SCN4A: variants seen among roughly 807,000 people sequenced by gnomAD.
SCN4A encodes sodium voltage-gated channel alpha subunit 4, also known as sodium channel protein type 4 subunit alpha.
Under a neutral mutation model 162.0 loss-of-function variants are expected in SCN4A, and 83 were observed. That is an observed-to-expected ratio of 0.51 (90% CI 0.43 to 0.61). The LOEUF (loss-of-function observed/expected upper bound fraction) is 0.61, where lower values mean the gene tolerates loss of function less well. Among genes scored for constraint, SCN4A ranks in the 20% least tolerant of loss-of-function variants. The pLI is 0.00. For synonymous variants in SCN4A, 944 were observed against 985.1 expected (o/e 0.96, Z 0.78); for missense variants, 2,196 against 2,462.5 (o/e 0.89, Z 2.29).
chr17:63,971,090 T>A, intron 5 of SCN4A, 72 bp downstream of exon 5: 1 of 986,964 alleles, frequency 1.0e-6, no homozygotes, highest in Non-Finnish European at 1.6e-6. Context: ...TGACACTGAG[T>A]CAGGTTCCAG....
At position 63,951,710 on chromosome 17, in the gene SCN4A, A is replaced by G. The variant is rs1453388942; in HGVS notation, c.2567T>C (p.Leu856Pro). ...GKILSPKDIM[L>P]SLGEADGAGE... ...GGCCCCGTCAGCCTCCCCGAGGCTGAGCATGATGTCCTTGGGGCTCAGGAT... is the reference window on the plus strand; with the variant it reads ...GGCCCCGTCAGCCTCCCCGAGGCTGGGCATGATGTCCTTGGGGCTCAGGAT... The change falls in exon 14 of 24, where the codon CTC becomes CCC. Residue 856 changes from leucine to proline, a missense_variant. Physicochemically the swap from Leu to Pro is moderately conservative, Grantham distance 98 (BLOSUM62 -3). Transcript: ENST00000435607. The surrounding 1 kb of genome is among the most constrained non-coding windows in gnomAD (Gnocchi z 4.5). 8 of 1,596,748 alleles carry G rather than the reference A, an allele frequency of 5.0e-6. No homozygotes were observed. The highest frequency in any genetic ancestry group is 6.8e-6 in the Non-Finnish European group (8 of 1,171,486).
At position 63,965,994 on chromosome 17, in the gene SCN4A, G is replaced by C. The variant is rs934067307; in HGVS notation, c.1242+108C>G. On this transcript the variant is annotated intron_variant, in intron 8 of 23. Coordinates refer to ENST00000435607, the MANE Select transcript of SCN4A (RefSeq NM_000334.4). ...CGGGAGTCCATGAGGAGATGGCCCAGTTCGGGGGTTGGCCATCCTGTGGTA... is the reference window on the plus strand; with the variant it reads ...CGGGAGTCCATGAGGAGATGGCCCACTTCGGGGGTTGGCCATCCTGTGGTA... 3.0e-5 allele frequency: 23 copies of C among 775,552 alleles called. No individual in the cohort carries two copies. In the African/African-American group the frequency reaches 3.8e-4, roughly 13 times the overall value. 48.0% of individuals were successfully genotyped at this position (775,552 alleles called of 1,614,324 possible). A position where few individuals can be genotyped will look rare whatever the true frequency, so the allele number is the denominator to read the frequency against.
intron 4 of SCN4A, 109 bp from the exon 5 acceptor site, chr17:63,971,362 G>A (rs1256360505): frequency 7.1e-6 from 5 of 706,632 alleles, no homozygotes; most frequent in South Asian, 3.2e-5. Context: ...GAAATTGGGG[G>A]TACCACAGGG....
chr17:63,963,677 A>G lies in SCN4A; in HGVS notation c.1601T>C (p.Met534Thr), dbSNP rs1248206131. 1.9e-6 allele frequency: 3 copies of G among 1,577,276 alleles called. No homozygotes were observed. In the African/African-American group the frequency reaches 4.0e-5, roughly 21 times the overall value. The change falls in exon 10 of 24, where the codon ATG becomes ACG. Residue 534 changes from methionine (M) to threonine (T), a missense_variant. Coordinates refer to ENST00000435607, the MANE Select transcript of SCN4A (RefSeq NM_000334.4). ...CGGGGGCACAAGGCACTCACCTTCCATGGCGTCGGAGATGCCGCTGTCTCC... is the reference window on the plus strand; with the variant it reads ...CGGGGGCACAAGGCACTCACCTTCCGTGGCGTCGGAGATGCCGCTGTCTCC... Reference protein sequence around the residue: ...SSGDSGISDAMEELEEAHQKC... With the variant: ...SSGDSGISDATEELEEAHQKC...
intron 5 of SCN4A, among the ~76,000 whole-genome samples, chr17:63,969,620 C>T (rs1456093100): frequency 2.0e-5 from 3 of 152,062 alleles, no homozygotes; most frequent in Non-Finnish European, 4.4e-5. Flanking sequence ...AGCTCAGGTA[C>T]TTTCTTTCTT....
At chr17:63,955,189 T>C (rs1909032960) in intron 13 of SCN4A, among the ~76,000 whole-genome samples, 1 of 152,184 alleles carries the variant, frequency 6.6e-6, no homozygotes, top group Non-Finnish European at 1.5e-5. Flanking sequence ...ACTAGTTGTG[T>C]GGTTCTGGGC....
chr17:63,965,647 C>T lies in SCN4A; in HGVS notation c.1242+455G>A, dbSNP rs1362112252. Among the ~76,000 whole-genome samples the T allele has an allele frequency of 3.3e-5, 5 of 152,278 alleles. No individual in the cohort carries two copies. The East Asian group carries it at 5.8e-4, about 18-fold the overall frequency. ...GGGAATATAGGCCCGTGCCACCATA[C>T]CCGGCTAATTTTTGTATTTTTAGTA... is the stretch of plus-strand genomic sequence containing the variant. On this transcript the variant is annotated intron_variant, in intron 8 of 23. Coordinates refer to ENST00000435607, the MANE Select transcript of SCN4A (RefSeq NM_000334.4).
chr17:63,954,367 C>T (rs573343840), intron 13 of SCN4A, among the ~76,000 whole-genome samples: 38 of 152,290 alleles, frequency 2.5e-4, no homozygotes, highest in African/African-American at 9.1e-4. Context: ...AGTCTTTCTT[C>T]TCCCTCTCTG....
chr17:63,940,463 C>T lies in SCN4A; in HGVS notation c.*308G>A. On this transcript the variant is annotated 3_prime_UTR_variant, in exon 24 of 24. Transcript: ENST00000435607. ...AGGGGCAGAGATTCGAATGTTCTGA[C>T]CTCCCCCAGGCCAAAAGGAGGGGCG... 2.7e-6 allele frequency: 1 copy of T among 367,726 alleles called. No individual in the cohort carries two copies. The allele number at this position is 367,726 out of a possible 1,614,324, so 22.8% of individuals were successfully genotyped here. A position where few individuals can be genotyped will look rare whatever the true frequency, so the allele number is the denominator to read the frequency against.
Position 63,949,527 on chromosome 17 carries a change from T to C in SCN4A, c.2855A>G (p.Lys952Arg), listed in dbSNP as rs770964974. 2 of 1,605,362 alleles carry C rather than the reference T, an allele frequency of 1.2e-6. No individual in the cohort carries two copies. The highest frequency in any genetic ancestry group is 1.7e-6 in the Non-Finnish European group (2 of 1,174,088). The change falls in exon 15 of 24, where the codon AAG becomes AGG. Residue 952 changes from lysine to arginine, a missense_variant and splice_region_variant. Lys to Arg is a conservative substitution (Grantham distance 26). Coordinates refer to ENST00000435607, the MANE Select transcript of SCN4A (RefSeq NM_000334.4). The part of the protein sequence containing the change: ...DTFSEPEDSK[K>R]PPQPLYDGNS... The stretch of plus-strand genomic sequence containing the variant: ...CCCATCATAGAGAGGCTGCGGCGGC[T>C]TCTGCGGAGGCCACAGGGTCACATG...
In SCN4A at chr17:63,964,621, C is replaced by T. The variant is rs759176062; in HGVS notation, c.1299G>A (p.Leu433=). The T allele has an allele frequency of 1.5e-5, 25 of 1,613,184 alleles. No homozygotes were observed. Among genetic ancestry groups the T allele is most frequent in the Non-Finnish European group, 1.9e-5 (23 of 1,179,624 alleles). ...TCAGATTGATGAGGTAGAAAGAGCCCAGGAAGATGATGACCACGAAGAAGA... is the reference window on the plus strand; with the variant it reads ...TCAGATTGATGAGGTAGAAAGAGCCTAGGAAGATGATGACCACGAAGAAGA... ...YMIFFVVIIF[L]GSFYLINLIL... The change falls in exon 9 of 24, where the codon CTG becomes CTA. Residue 433 remains leucine, a synonymous_variant. Coordinates refer to ENST00000435607, the MANE Select transcript of SCN4A (RefSeq NM_000334.4).
Position 63,951,544 on chromosome 17 carries a change from G to A in SCN4A, c.2733C>T (p.His911=). The change falls in exon 14 of 24, where the codon CAC becomes CAT. Residue 911 remains histidine, a synonymous_variant. Coordinates refer to ENST00000435607, the MANE Select transcript of SCN4A (RefSeq NM_000334.4). The surrounding 1 kb of genome is among the most constrained non-coding windows in gnomAD (Gnocchi z 4.5). ...GGTAGGGGTTGTTGATGAAGTTAAG[G>A]TGGTCCAGCTCGAGGCTGGATGGGG... is the stretch of plus-strand genomic sequence containing the variant. The part of the protein sequence containing the change: ...DGPPSSLELD[H]LNFINNPYLT... The A allele has an allele frequency of 6.2e-7, 1 of 1,614,030 alleles. No individual in the cohort carries two copies. Among genetic ancestry groups the A allele is most frequent in the Non-Finnish European group, 8.5e-7 (1 of 1,179,902 alleles).
At chr17:63,952,412 G>C (rs184991292) in intron 13 of SCN4A, among the ~76,000 whole-genome samples, 38 of 152,040 alleles carry the variant, frequency 2.5e-4, no homozygotes, top group African/African-American at 8.9e-4. Context: ...CGCCTGCCTC[G>C]GCCTCCCAAA....
intron 12 of SCN4A, among the ~76,000 whole-genome samples, chr17:63,958,784 C>T (rs1909152716): frequency 6.6e-6 from 1 of 152,202 alleles, no homozygotes; most frequent in Non-Finnish European, 1.5e-5. Flanking sequence ...AACTCCTGAC[C>T]TCAGGTGATC....
In SCN4A at chr17:63,941,632, G is replaced by T. The variant is rs1284222969; in HGVS notation, c.4650C>A (p.Pro1550=). 1 of 1,614,052 alleles carries T rather than the reference G, an allele frequency of 6.2e-7. No individual in the cohort carries two copies. The highest frequency in any genetic ancestry group is 1.7e-5 in the Admixed American group (1 of 60,018). The change falls in exon 24 of 24, where the codon CCC becomes CCA. Residue 1550 remains proline (P), a synonymous_variant. Transcript: ENST00000435607. The surrounding 1 kb of genome is among the most constrained non-coding windows in gnomAD (Gnocchi z 6.2). ...TCTCCAGGTTGGGGTCACAGTCTGGGGGCCCGCTGTTGAGGATGGGGTTGA... is the reference window on the plus strand; with the variant it reads ...TCTCCAGGTTGGGGTCACAGTCTGGTGGCCCGCTGTTGAGGATGGGGTTGA... The part of the protein sequence containing the change: ...GLLNPILNSG[P]PDCDPNLENP...
At position 63,945,085 on chromosome 17, in the gene SCN4A, A is replaced by T. The variant is rs1205262135; in HGVS notation, c.3721-25T>A. 4 of 1,605,114 alleles carry T rather than the reference A, an allele frequency of 2.5e-6. 1 individual carries two copies. The South Asian group carries it at 4.5e-5, about 18-fold the overall frequency. ...CCTGAGAGAGTGTGGTTGGGGAGTGAGCCGGGGGGCTGCTCCCTGCTTTCA... is the reference window on the plus strand; with the variant it reads ...CCTGAGAGAGTGTGGTTGGGGAGTGTGCCGGGGGGCTGCTCCCTGCTTTCA... On this transcript the variant is annotated intron_variant, in intron 19 of 23. Transcript: ENST00000435607. The surrounding 1 kb of genome is among the most constrained non-coding windows in gnomAD (Gnocchi z 4.4).
In SCN4A at chr17:63,950,149, C is replaced by T. The variant is rs766556351; in HGVS notation, c.2854-621G>A. Reference sequence around the variant, plus strand: ...CTCCTGCTGGGCCAGGCCAGCTTCCCGGCCCCAGACTCCACCCGGCAGGGG... The same window carrying T: ...CTCCTGCTGGGCCAGGCCAGCTTCCTGGCCCCAGACTCCACCCGGCAGGGG... On this transcript the variant is annotated intron_variant, in intron 14 of 23. Transcript: ENST00000435607. The surrounding 1 kb of genome is among the most constrained non-coding windows in gnomAD (Gnocchi z 4.6). Among the ~76,000 whole-genome samples, 15 of 152,218 alleles carry T rather than the reference C, an allele frequency of 9.9e-5. No homozygotes were observed. The highest frequency in any genetic ancestry group is 2.1e-4 in the South Asian group (1 of 4,822).
chr17:63,949,487 G>T lies in SCN4A; in HGVS notation c.2895C>A (p.Cys965Ter). 6.2e-7 allele frequency: 1 copy of T among 1,612,698 alleles called. No homozygotes were observed. The highest frequency in any genetic ancestry group is 8.5e-7 in the Non-Finnish European group (1 of 1,179,228). ...QPLYDGNSSV[C>*]STADYKPPEE... ...CGGGGGGCTTGTAGTCAGCTGTGCT[G>T]CAGACGGACGAGTTCCCATCATAGA... Residue 965 changes from cysteine (C) to a stop codon, truncating the protein, a stop_gained, in exon 15 of 24, where the codon TGC (cysteine) becomes TGA (stop). Transcript: ENST00000435607. LOFTEE classifies it high-confidence loss of function.
At chr17:63,948,153 C>CG in intron 16 of SCN4A, 90 bp from the exon 17 acceptor site, 1 of 1,094,322 alleles carries the variant, frequency 9.1e-7, no homozygotes, top group Non-Finnish European at 1.3e-6. Context: ...TGCTGGTTCC[C>CG]GGGGGTCTGC....
Sources: gnomAD v4.1 joint callset for allele counts (sites outside exome capture counted in the v4.1 genomes callset) on GRCh38, gnomAD v4.1.1 for gene constraint, Gnocchi (gnomAD v3.1) non-coding constraint, MANE v1.5 for transcripts, NCBI Gene and HGNC (gene_info 2026-07-23, HGNC 2026-07-21) for gene names.